Variants in CEP250 observed in about 807,000 individuals in gnomAD.
CEP250 encodes centrosomal protein 250.
A neutral mutation model predicts 315.7 loss-of-function variants in CEP250; 242 were observed. The ratio of observed to expected loss-of-function variants is 0.77; its 90% CI spans 0.69 to 0.85. CEP250 has a LOEUF of 0.85. Ranked by LOEUF, CEP250 falls within the 40% of genes least tolerant of loss-of-function variation. CEP250 has a pLI of 0.00. For synonymous variants in CEP250, 1,088 were observed against 1,175.0 expected, an observed-to-expected ratio of 0.93 and a Z score of 1.51; for missense variants, 2,515 against 2,886.4, an observed-to-expected ratio of 0.87 and a Z score of 2.95.
At chr20:35,508,859 G>T (rs1180696560) in intron 32 of CEP250, 84 bp from the exon 33 acceptor site, 2 of 1,099,216 alleles carry the variant, frequency 1.8e-6, no homozygotes, top group Admixed American at 4.1e-5. Context: ...ACCTGCACAG[G>T]CACTGGCCAC....
chr20:35,496,330 CTG>C (rs1217961223), intron 24 of CEP250, among the ~76,000 whole-genome samples: 1 of 151,732 alleles, frequency 6.6e-6, no homozygotes, highest in Admixed American at 6.6e-5. Context: ...GAGCAAGACT[CTG>C]TCTCAATAAA....
In CEP250 at chr20:35,508,998, G is replaced by T. The variant is rs374249192; in HGVS notation, c.6962G>T (p.Gly2321Val). 11 of 1,559,006 alleles carry T rather than the reference G, an allele frequency of 7.1e-6. No individual in the cohort carries two copies. Among genetic ancestry groups the T allele is most frequent in the Non-Finnish European group, 8.7e-6 (10 of 1,150,692 alleles). ...KREAMRAAQA[G>V]SLEISKATAS... is the part of the protein sequence containing the mutation. ...GAGGCCATGCGTGCGGCCCAGGCAG[G>T]GTCCCTAGAGATCAGCAAGGCCACG... Residue 2321 changes from glycine (G) to valine (V), a missense_variant, in exon 33 of 35, where the codon GGG becomes GTG. Transcript: ENST00000397527.
At position 35,479,368 on chromosome 20, in the gene CEP250, G is replaced by T. The variant is rs772348458; in HGVS notation, c.2232G>T (p.Arg744=). 4.1e-5 allele frequency: 66 copies of T among 1,614,094 alleles called. No individual in the cohort carries two copies. Among genetic ancestry groups the T allele is most frequent in the Non-Finnish European group, 5.5e-5 (65 of 1,180,048 alleles). ...LVREKAALEV[R]LQAVERDRQD... is the part of the protein sequence containing the mutation. ...GAGAGAAAGCGGCTCTAGAGGTGCG[G>T]CTGCAGGCCGTGGAGCGTGACCGGC... is the stretch of plus-strand genomic sequence containing the variant. Residue 744 remains arginine, a synonymous_variant, in exon 18 of 35, where the codon CGG becomes CGT. Coordinates refer to ENST00000397527, the MANE Select transcript of CEP250 (RefSeq NM_007186.6).
At position 35,514,180 on chromosome 20, in the gene CEP250, C is replaced by G. The variant is rs369896143; in HGVS notation, c.*2554C>G. On this transcript the variant is annotated 3_prime_UTR_variant, in exon 35 of 35. Transcript: ENST00000397527. Reference sequence around the variant, plus strand: ...CCAACTTTGCCTAAGGGCATGAGGCCGGAGCCTCCTTTCCTGACCTTGTCA... The same window carrying G: ...CCAACTTTGCCTAAGGGCATGAGGCGGGAGCCTCCTTTCCTGACCTTGTCA... The G allele has an allele frequency of 6.6e-6, 1 of 152,302 alleles. No individual in the cohort carries two copies. The highest frequency in any genetic ancestry group is 1.5e-5 in the Non-Finnish European group (1 of 68,084). 9.4% of individuals were successfully genotyped at this position (152,302 alleles called of 1,614,324 possible).
intron 2 of CEP250, among the ~76,000 whole-genome samples, chr20:35,459,074 G>A (rs1326019687): frequency 7.6e-6 from 1 of 131,452 alleles, no homozygotes; most frequent in Admixed American, 9.3e-5. Context: ...CAAGTGATCC[G>A]CCTGCCTCAG....
In CEP250 at chr20:35,503,627, A is replaced by G. The variant is rs1568835217; in HGVS notation, c.5258A>G (p.Asp1753Gly). 1 of 1,614,082 alleles carries G rather than the reference A, an allele frequency of 6.2e-7. No individual in the cohort carries two copies. The highest frequency in any genetic ancestry group is 1.6e-4 in the Middle Eastern group (1 of 6,062). Residue 1753 changes from aspartate (D) to glycine (G), a missense_variant, in exon 30 of 35, where the codon GAC (aspartate) becomes GGC (glycine). By Grantham distance (94) the Asp-to-Gly change is moderately conservative. Transcript: ENST00000397527. The surrounding 1 kb of genome is among the most constrained non-coding windows in gnomAD (Gnocchi z 4.2). ...ATCCATGAACTCCAGGAGCTCAAAG[A>G]CCAGCTGGAGCAGCAGCTCCAGGGC... ...EHIHELQELK[D>G]QLEQQLQGLH...
At chr20:35,464,825 G>A (rs1017793999) in intron 5 of CEP250, among the ~76,000 whole-genome samples, 4 of 152,144 alleles carry the variant, frequency 2.6e-5, no homozygotes. Flanking sequence ...GGGAGGCTGA[G>A]GCAGGAGAAT....
intron 13 of CEP250, 79 bp downstream of exon 13, chr20:35,473,631 A>G: frequency 4.9e-6 from 7 of 1,424,898 alleles, no homozygotes; most frequent in Non-Finnish European, 6.6e-6. Context: ...ACCCACTCCC[A>G]TCAGGTTTTT....
chr20:35,464,279 G>C, intron 5 of CEP250, among the ~76,000 whole-genome samples: 1 of 152,098 alleles, frequency 6.6e-6, no homozygotes, highest in East Asian at 1.9e-4. Flanking sequence ...TGTTTTGCTT[G>C]CTTGTTTGGT....
Position 35,504,790 on chromosome 20 carries a change from C to T in CEP250, c.6421C>T (p.Leu2141Phe), listed in dbSNP as rs772710721. The T allele has an allele frequency of 1.1e-5, 17 of 1,614,226 alleles. No homozygotes were observed. Among genetic ancestry groups the T allele is most frequent in the Non-Finnish European group, 1.4e-5 (17 of 1,180,038 alleles). The change falls in exon 30 of 35, where the codon CTT (leucine) becomes TTT (phenylalanine). Residue 2141 changes from leucine (L) to phenylalanine (F), a missense_variant. Physicochemically the swap from Leu to Phe is conservative, Grantham distance 22. Transcript: ENST00000397527. ...CCCAATGGAGGAACAATCTCTAAAA[C>T]TTGATTCTTTAGAGCCCAGGCTGCA... Reference protein sequence around the residue: ...TSPMEEQSLKLDSLEPRLQRE... With the variant: ...TSPMEEQSLKFDSLEPRLQRE...
rs199960492 is a variant in CEP250 at position 35,504,710 on chromosome 20, G to C, written c.6341G>C (p.Arg2114Thr). ...AAGGAACAGGAGATTCTGGAGCTGAGGGAGACCCAGCAAAGGAACAACCTG... is the reference window on the plus strand; with the variant it reads ...AAGGAACAGGAGATTCTGGAGCTGACGGAGACCCAGCAAAGGAACAACCTG... The part of the protein sequence containing the change: ...AQKEQEILEL[R>T]ETQQRNNLEA... Residue 2114 changes from arginine (R) to threonine (T), a missense_variant, in exon 30 of 35, where the codon AGG becomes ACG. Coordinates refer to ENST00000397527, the MANE Select transcript of CEP250 (RefSeq NM_007186.6). 6 of 1,614,194 alleles carry C rather than the reference G, an allele frequency of 3.7e-6. No homozygotes were observed. Among genetic ancestry groups the C allele is most frequent in the Non-Finnish European group, 5.1e-6 (6 of 1,180,032 alleles).
At chr20:35,499,295 C>G (rs1657000175) in intron 27 of CEP250, among the ~76,000 whole-genome samples, 1 of 152,160 alleles carries the variant, frequency 6.6e-6, no homozygotes, top group South Asian at 2.1e-4. Flanking sequence ...CAAAAAAACC[C>G]TGGGCAGATG....
chr20:35,490,035 A>G (rs1275791192), intron 20 of CEP250, among the ~76,000 whole-genome samples: 2 of 152,224 alleles, frequency 1.3e-5, no homozygotes, highest in African/African-American at 2.4e-5. Flanking sequence ...TGCCTAGGCT[A>G]GGCACAGTGG....
chr20:35,467,132 T>C (rs2146718915), intron 8 of CEP250, 60 bp downstream of exon 8: 5 of 970,480 alleles, frequency 5.2e-6, no homozygotes, highest in African/African-American at 2.2e-5. Flanking sequence ...CTAATAACAG[T>C]GGGCTGCTAT....
chr20:35,484,717 G>A (rs1381029636), intron 20 of CEP250, among the ~76,000 whole-genome samples: 3 of 151,918 alleles, frequency 2.0e-5, no homozygotes, highest in South Asian at 2.1e-4. Context: ...CTGAGTAGCT[G>A]GGACCACAGG....
chr20:35,455,937 C>T (rs1041179749), intron 1 of CEP250, among the ~76,000 whole-genome samples, 186 bp downstream of exon 1: 1 of 152,214 alleles, frequency 6.6e-6, no homozygotes, highest in Non-Finnish European at 1.5e-5. Context: ...CGCTTGTTGC[C>T]CAGGCTGGAG....
chr20:35,512,190 T>A lies in CEP250; in HGVS notation c.*564T>A, dbSNP rs933795637. The A allele has an allele frequency of 6.1e-5, 16 of 264,166 alleles. No individual in the cohort carries two copies. Among genetic ancestry groups the A allele is most frequent in the African/African-American group, 2.5e-4 (11 of 43,564 alleles). The allele number at this position is 264,166 out of a possible 1,614,324, so 16.4% of individuals were successfully genotyped here. On this transcript the variant is annotated 3_prime_UTR_variant, in exon 35 of 35. Transcript: ENST00000397527. ...TGATGAGAACAGGCTAACACTCATT[T>A]ATGAGTCAGAGGCAATTCTGTGTAC...
rs74327142 is a variant in CEP250 at position 35,498,351 on chromosome 20, G to C, written c.3656-244G>C. Among the ~76,000 whole-genome samples, 3,399 of 152,300 alleles carry C rather than the reference G, an allele frequency of 0.022. 142 individuals carry two copies. The highest frequency in any genetic ancestry group is 0.077 in the African/African-American group (3,199 of 41,544). Reference sequence around the variant, plus strand: ...CAAGGAGTTATGAGGTTGCAGATGTGAATCACTTACACGGTTCCTGGCACT... The same window carrying C: ...CAAGGAGTTATGAGGTTGCAGATGTCAATCACTTACACGGTTCCTGGCACT... On this transcript the variant is annotated intron_variant, in intron 26 of 34. Transcript: ENST00000397527.
intron 34 of CEP250, 148 bp downstream of exon 34, chr20:35,510,202 C>G: frequency 1.4e-6 from 1 of 710,142 alleles, no homozygotes; most frequent in East Asian, 2.7e-5. Flanking sequence ...CCCCATCTCT[C>G]ATATGCCTAG....
Sources: allele counts gnomAD v4.1 joint callset (sites outside exome capture counted in the v4.1 genomes callset), GRCh38; gene constraint gnomAD v4.1.1; non-coding constraint Gnocchi (gnomAD v3.1); transcripts MANE v1.5; gene names NCBI Gene and HGNC (gene_info 2026-07-23, HGNC 2026-07-21).